CYP4F22: variants seen among roughly 807,000 people sequenced by gnomAD.
CYP4F22 encodes ultra-long-chain fatty acid omega-hydroxylase.
CYP4F22 carries 37 observed loss-of-function variants against 60.4 expected under a neutral mutation model. The ratio of observed to expected loss-of-function variants is 0.61; its 90% CI spans 0.47 to 0.81. CYP4F22 has a LOEUF of 0.81. Among genes scored for constraint, CYP4F22 ranks in the 30% least tolerant of loss-of-function variants. The pLI is 0.00. For missense variants in CYP4F22, 655 were observed against 715.0 expected (o/e 0.92, Z 0.96); for synonymous variants, 258 against 280.5 (o/e 0.92, Z 0.80).
intron 1 of CYP4F22, among the ~76,000 whole-genome samples, chr19:15,509,887 TCCTTC>T (rs1226166744): frequency 1.5e-5 from 2 of 129,790 alleles, no homozygotes; most frequent in South Asian, 6.0e-4. Context: ...CTTCCTTCCT[TCCTTC>T]CTTCCTTCCT....
chr19:15,540,525 C>T lies in CYP4F22; in HGVS notation c.747C>T (p.His249=). ...LSVRRQYRLH[H]YLDFIYYRSA... is the part of the protein sequence containing the mutation. ...TCCGGCGCCAGTATCGCTTGCACCA[C>T]TACCTCGACTTCATTTACTACCGCT... Residue 249 remains histidine, a synonymous_variant, in exon 8 of 14, where the codon CAC becomes CAT. Transcript: ENST00000269703. 4 of 1,614,230 alleles carry T rather than the reference C, an allele frequency of 2.5e-6. No homozygotes were observed. Among genetic ancestry groups the T allele is most frequent in the Non-Finnish European group, 3.4e-6 (4 of 1,180,052 alleles).
rs774309866 is a variant in CYP4F22 at position 15,544,155 on chromosome 19, G to A, written c.1012G>A (p.Asp338Asn). Residue 338 changes from aspartate (D) to asparagine (N), a missense_variant, in exon 10 of 14, where the codon GAC becomes AAC. Physicochemically the swap from Asp to Asn is conservative, Grantham distance 23. Around this residue, in one of 3 missense-constraint regions of CYP4F22, gnomAD observed 430 missense variants for 457.1 expected, o/e 0.94. Coordinates refer to ENST00000269703, the MANE Select transcript of CYP4F22 (RefSeq NM_173483.4). ...EADTFMFEGHDTTSSGISWML... is the reference protein window; with the variant it reads ...EADTFMFEGHNTTSSGISWML... The stretch of plus-strand genomic sequence containing the variant: ...ATACCCTCATCTCCCTGCAGGTCAC[G>A]ACACAACATCCAGTGGGATCTCTTG... 7 of 1,614,022 alleles carry A rather than the reference G, an allele frequency of 4.3e-6. No individual in the cohort carries two copies. Among genetic ancestry groups the A allele is most frequent in the Admixed American group, 1.7e-5 (1 of 59,986 alleles).
At chr19:15,547,018 G>GTTTTTTTTT (rs71176432) in intron 10 of CYP4F22, among the ~76,000 whole-genome samples, 4,275 of 82,140 alleles carry the variant, frequency 0.052, 478 homozygotes, top group Admixed American at 0.071. Context: ...GCCTGCACCA[G>GTTTTTTTTT]TTTTTTTTTT....
intron 8 of CYP4F22, among the ~76,000 whole-genome samples, chr19:15,542,020 G>A (rs1238629354): frequency 1.3e-5 from 2 of 152,052 alleles, no homozygotes; most frequent in African/African-American, 4.8e-5. Flanking sequence ...GTGGATGTTT[G>A]ACCTTAGTCA....
At chr19:15,513,866 A>T (rs1971124126) in intron 1 of CYP4F22, among the ~76,000 whole-genome samples, 1 of 152,316 alleles carries the variant, frequency 6.6e-6, no homozygotes, top group Middle Eastern at 3.4e-3. Flanking sequence ...ATAAAGAAAC[A>T]TAGGTCATAC....
chr19:15,516,795 T>C, intron 1 of CYP4F22: 1 of 583,726 alleles, frequency 1.7e-6, no homozygotes, highest in Non-Finnish European at 2.7e-6. Context: ...GAGGATCTCA[T>C]GAGAGGTCCA....
Position 15,551,810 on chromosome 19 carries a change from T to A in CYP4F22, c.*339T>A. 2 of 391,988 alleles carry A rather than the reference T, an allele frequency of 5.1e-6. No homozygotes were observed. The highest frequency in any genetic ancestry group is 6.0e-5 in the South Asian group (2 of 33,578). The allele number at this position is 391,988 out of a possible 1,614,324, so 24.3% of individuals were successfully genotyped here. ...GATTGAGGTCCTCAGGCCACGCCCCTGCAGATCCAGGTCTCCAGGCCTTGC... is the reference window on the plus strand; with the variant it reads ...GATTGAGGTCCTCAGGCCACGCCCCAGCAGATCCAGGTCTCCAGGCCTTGC... On this transcript the variant is annotated 3_prime_UTR_variant, in exon 14 of 14. Transcript: ENST00000269703.
At chr19:15,544,083 T>TGTCTGTA in intron 9 of CYP4F22, 46 bp downstream of exon 9, 1 of 1,614,122 alleles carries the variant, frequency 6.2e-7, no homozygotes, top group Non-Finnish European at 8.5e-7. Flanking sequence ...AGGGACATCA[T>TGTCTGTA]TGTCTGTAGA....
intron 1 of CYP4F22, among the ~76,000 whole-genome samples, chr19:15,514,199 T>C (rs1971127159): frequency 1.3e-5 from 2 of 152,208 alleles, no homozygotes; most frequent in South Asian, 4.1e-4. Context: ...AGTCCAGGAC[T>C]GTTTCAGCTG....
At chr19:15,529,995 T>G in intron 4 of CYP4F22, 142 bp downstream of exon 4, 1 of 1,204,746 alleles carries the variant, frequency 8.3e-7, no homozygotes. Flanking sequence ...AAAGCAAGCA[T>G]GGCAATCCAG....
Position 15,509,976 on chromosome 19 carries a change from C to G in CYP4F22, c.-109+1393C>G, listed in dbSNP as rs1208349102. On this transcript the variant is annotated intron_variant, in intron 1 of 13. Coordinates refer to ENST00000269703, the MANE Select transcript of CYP4F22 (RefSeq NM_173483.4). The stretch of plus-strand genomic sequence containing the variant: ...TCTGTCTCTCTCTCTTTCTTTCTTT[C>G]TTTCTTTTTTTGTTGTTGTTGTTGA... Among the ~76,000 whole-genome samples the G allele has an allele frequency of 2.1e-5, 3 of 146,302 alleles. No individual in the cohort carries two copies. In the Admixed American group the frequency reaches 2.1e-4, roughly 10 times the overall value.
rs141382984 is a variant in CYP4F22 at position 15,537,576 on chromosome 19, C to T, written c.463C>T (p.His155Tyr). Residue 155 changes from histidine to tyrosine, a missense_variant, in exon 6 of 14, where the codon CAC becomes TAC. His to Tyr is a moderately conservative substitution (Grantham distance 83). Transcript: ENST00000269703. ...CAGCAAAGGTGACAAGTGGAGCCGG[C>T]ACCGTCGCCTGCTGACACCCGCCTT... ...LLSKGDKWSR[H>Y]RRLLTPAFHF... is the part of the protein sequence containing the mutation. 2.4e-4 allele frequency: 385 copies of T among 1,614,180 alleles called. 2 individuals are homozygous for T. In the African/African-American group the frequency reaches 4.9e-3, roughly 20 times the overall value.
chr19:15,537,454 G>A (rs1246697511), intron 5 of CYP4F22, 40 bp downstream of exon 5: 2 of 1,614,096 alleles, frequency 1.2e-6, no homozygotes, highest in African/African-American at 2.7e-5. Context: ...GGGCTTTAGA[G>A]AAGAGAGGGA....
chr19:15,516,821 G>A, intron 1 of CYP4F22: 1 of 380,580 alleles, frequency 2.6e-6, no homozygotes, highest in Non-Finnish European at 4.3e-6. Context: ...TACGTGGCCT[G>A]AAGAGATGTT....
At chr19:15,523,413 C>T (rs773066766) in intron 1 of CYP4F22, among the ~76,000 whole-genome samples, 35 of 152,146 alleles carry the variant, frequency 2.3e-4, no homozygotes, top group Non-Finnish European at 3.8e-4. Context: ...CTCACTCACT[C>T]ACTATCTGGA....
chr19:15,537,457 G>C (rs1971409335), intron 5 of CYP4F22, 43 bp downstream of exon 5: 1 of 1,614,216 alleles, frequency 6.2e-7, no homozygotes, highest in Non-Finnish European at 8.5e-7. Flanking sequence ...CTTTAGAGAA[G>C]AGAGGGAAGA....
rs139932061 is a variant in CYP4F22 at position 15,540,751 on chromosome 19, CG to C, written c.939+35del. 0.78 allele frequency: 1,248,446 copies of C among 1,606,872 alleles called. 486,844 individuals are homozygous for C. Among genetic ancestry groups the C allele is most frequent in the East Asian group, 0.93 (41,604 of 44,852 alleles). ...GGGCCCCCTGGAATTGCTGGCCTCC[CG>C]AGGGCTGGCCTCCCGAGGAATTGCA... is the stretch of plus-strand genomic sequence containing the variant. On this transcript the variant is annotated intron_variant, in intron 8 of 13. Coordinates refer to ENST00000269703, the MANE Select transcript of CYP4F22 (RefSeq NM_173483.4).
chr19:15,547,172 C>T (rs967680794), intron 10 of CYP4F22, among the ~76,000 whole-genome samples: 30 of 151,760 alleles, frequency 2.0e-4, no homozygotes, highest in African/African-American at 5.1e-4. Flanking sequence ...TACAGGTGCA[C>T]GCCACCACAC....
chr19:15,546,461 G>A (rs1227680679), intron 10 of CYP4F22, among the ~76,000 whole-genome samples: 2 of 152,158 alleles, frequency 1.3e-5, no homozygotes, highest in African/African-American at 2.4e-5. Flanking sequence ...GTGTGTGCCT[G>A]TAATCCCAGC....
Sources: gnomAD v4.1 joint callset for allele counts (sites outside exome capture counted in the v4.1 genomes callset) on GRCh38, gnomAD v4.1.1 for gene constraint, gnomAD v4.1.1 regional missense constraint, MANE v1.5 for transcripts, NCBI Gene and HGNC (gene_info 2026-07-23, HGNC 2026-07-21) for gene names.